Variants in ZFHX4 observed in about 807,000 individuals in gnomAD.
The protein encoded by ZFHX4 is zinc finger homeobox protein 4.
ZFHX4 carries 56 observed loss-of-function variants against 267.6 expected under a neutral mutation model. The observed-to-expected ratio is 0.21, with a 90% CI of 0.17 to 0.26. ZFHX4 has a LOEUF of 0.26. Among genes scored for constraint, ZFHX4 ranks in the 10% least tolerant of loss-of-function variants. The probability of loss-of-function intolerance (pLI) is 1.00; values close to 1 mark genes in which losing one functional copy is unlikely to be tolerated. For synonymous variants in ZFHX4, 1,778 were observed against 1,665.6 expected (o/e 1.07, Z -1.64); for missense variants, 4,332 against 4,420.0 (o/e 0.98, Z 0.56).
At chr8:76,770,805 G>A (rs889683751) in intron 3 of ZFHX4, among the ~76,000 whole-genome samples, 1 of 152,132 alleles carries the variant, frequency 6.6e-6, no homozygotes, top group African/African-American at 2.4e-5. Flanking sequence ...TGTCAAGGCT[G>A]AGGGAATTCT....
chr8:76,709,904 C>A (rs2131618602), intron 3 of ZFHX4, among the ~76,000 whole-genome samples: 1 of 151,878 alleles, frequency 6.6e-6, no homozygotes, highest in South Asian at 2.1e-4. Context: ...CTTGGTGCCA[C>A]AGTTACCCTT....
intron 3 of ZFHX4, among the ~76,000 whole-genome samples, chr8:76,753,543 C>T (rs1374792119): frequency 6.6e-6 from 1 of 151,664 alleles, no homozygotes; most frequent in African/African-American, 2.4e-5. Flanking sequence ...GTCTTCTTGC[C>T]TCTCTTTCCA....
intron 4 of ZFHX4, among the ~76,000 whole-genome samples, chr8:76,809,830 A>C (rs968711165): frequency 6.6e-6 from 1 of 152,176 alleles, no homozygotes; most frequent in African/African-American, 2.4e-5. Context: ...GATTAGTGAC[A>C]TTTGATAATA....
chr8:76,848,967 GA>G, intron 6 of ZFHX4, 27 bp from the exon 7 acceptor site: 1 of 1,475,844 alleles, frequency 6.8e-7, no homozygotes, highest in Non-Finnish European at 9.0e-7. Flanking sequence ...TTTTTAAATT[GA>G]ATTGTTCTAT....
chr8:76,754,382 G>A (rs1016585643), intron 3 of ZFHX4, among the ~76,000 whole-genome samples: 5 of 151,974 alleles, frequency 3.3e-5, no homozygotes, highest in African/African-American at 9.7e-5. Context: ...CCAGATACGC[G>A]GGAGGCTGAG....
chr8:76,810,925 G>A (rs186756124), intron 4 of ZFHX4, among the ~76,000 whole-genome samples: 15 of 152,168 alleles, frequency 9.9e-5, no homozygotes, highest in African/African-American at 3.1e-4. Context: ...CAGAGATGGC[G>A]ATAATAATTG....
At chr8:76,835,303 C>A (rs771575733) in intron 5 of ZFHX4, among the ~76,000 whole-genome samples, 2 of 132,480 alleles carry the variant, frequency 1.5e-5, no homozygotes, top group Middle Eastern at 3.8e-3. Context: ...ACCTTCTTAG[C>A]TGCATTATAT....
chr8:76,742,123 A>G (rs999805822), intron 3 of ZFHX4, among the ~76,000 whole-genome samples: 1 of 152,236 alleles, frequency 6.6e-6, no homozygotes, highest in East Asian at 1.9e-4. Flanking sequence ...AGGAATAAGC[A>G]GAAAATGAAG....
chr8:76,835,970 T>G (rs577296038), intron 5 of ZFHX4, among the ~76,000 whole-genome samples: 1 of 152,306 alleles, frequency 6.6e-6, no homozygotes, highest in South Asian at 2.1e-4. Flanking sequence ...CTTTCTTTTC[T>G]GCAAAACTAC....
intron 4 of ZFHX4, among the ~76,000 whole-genome samples, chr8:76,800,569 C>T (rs868171329): frequency 2.0e-5 from 3 of 152,132 alleles, no homozygotes; most frequent in Admixed American, 6.6e-5. Flanking sequence ...AGGGCATTCA[C>T]TTTGGGTATT....
chr8:76,721,103 T>C (rs1223057091), intron 3 of ZFHX4, among the ~76,000 whole-genome samples: 2 of 152,096 alleles, frequency 1.3e-5, no homozygotes, highest in Non-Finnish European at 2.9e-5. Context: ...ATGTATCTCC[T>C]GAGGTAGGAA....
chr8:76,815,208 A>G (rs1210689768), intron 4 of ZFHX4, among the ~76,000 whole-genome samples: 1 of 152,190 alleles, frequency 6.6e-6, no homozygotes, highest in Non-Finnish European at 1.5e-5. Context: ...GGGTTATGCA[A>G]ATATAAAGGA....
chr8:76,800,186 C>G (rs1811083184), intron 4 of ZFHX4, among the ~76,000 whole-genome samples: 1 of 152,118 alleles, frequency 6.6e-6, no homozygotes, highest in African/African-American at 2.4e-5. Context: ...TGACAGTCCT[C>G]TGCAAATGAT....
intron 4 of ZFHX4, among the ~76,000 whole-genome samples, chr8:76,826,135 G>C (rs1187891877): frequency 2.0e-5 from 3 of 152,176 alleles, no homozygotes; most frequent in Non-Finnish European, 4.4e-5. Context: ...GAAGGCAAAG[G>C]GAAAGCAGGC....
At chr8:76,702,045 T>C (rs957568425) in intron 1 of ZFHX4, among the ~76,000 whole-genome samples, 1 of 152,162 alleles carries the variant, frequency 6.6e-6, no homozygotes, top group Non-Finnish European at 1.5e-5. Context: ...TTGTGCAGAA[T>C]TGGCAAATGC....
At position 76,705,999 on chromosome 8, in the gene ZFHX4, G is replaced by A. The variant is rs771222216; in HGVS notation, c.1911G>A (p.Ser637=). The change falls in exon 2 of 11, where the codon TCG becomes TCA. Residue 637 remains serine, a synonymous_variant. Coordinates refer to ENST00000651372, the MANE Select transcript of ZFHX4 (RefSeq NM_024721.5). ...SLGGHMTMMH[S]RNSCKTLKCP... is the part of the protein sequence containing the mutation. The stretch of plus-strand genomic sequence containing the variant: ...GTGGTCATATGACTATGATGCACTC[G>A]AGGAACTCATGCAAAACCCTCAAAT... The A allele has an allele frequency of 1.9e-6, 3 of 1,613,324 alleles. No homozygotes were observed. Among genetic ancestry groups the A allele is most frequent in the Non-Finnish European group, 2.5e-6 (3 of 1,179,700 alleles).
At chr8:76,794,107 A>G (rs1010544530) in intron 4 of ZFHX4, among the ~76,000 whole-genome samples, 1 of 152,160 alleles carries the variant, frequency 6.6e-6, no homozygotes, top group African/African-American at 2.4e-5. Flanking sequence ...TTAAAAGCAG[A>G]ACTTTACAAA....
rs766328907 is a variant in ZFHX4 at position 76,853,101 on chromosome 8, A to G, written c.6180A>G (p.Pro2060=). The G allele has an allele frequency of 8.3e-5, 82 of 993,844 alleles. 1 individual carries two copies. The highest frequency in any genetic ancestry group is 5.5e-4 in the South Asian group (28 of 50,488). The allele number at this position is 993,844 out of a possible 1,614,324, so 61.6% of individuals were successfully genotyped here. ...PPPPPPPPPP[P]PSAPPQVQLP... is the part of the protein sequence containing the mutation. ...CTCCTCCTCCCCCCCCACCTCCTCCACCTTCTGCTCCTCCACAGGTCCAAC... is the reference window on the plus strand; with the variant it reads ...CTCCTCCTCCCCCCCCACCTCCTCCGCCTTCTGCTCCTCCACAGGTCCAAC... The change falls in exon 10 of 11, where the codon CCA becomes CCG. Residue 2060 remains proline (P), a synonymous_variant. Transcript: ENST00000651372.
intron 4 of ZFHX4, among the ~76,000 whole-genome samples, chr8:76,780,780 C>A (rs1198472846): frequency 6.6e-6 from 1 of 152,096 alleles, no homozygotes. Flanking sequence ...AAGTAATTTA[C>A]TGGCAAAAAT....
Sources: gnomAD v4.1 joint callset for allele counts (sites outside exome capture counted in the v4.1 genomes callset) on GRCh38, gnomAD v4.1.1 for gene constraint, MANE v1.5 for transcripts, NCBI Gene and HGNC (gene_info 2026-07-23, HGNC 2026-07-21) for gene names.